CLPB: variants seen among roughly 807,000 people sequenced by gnomAD.
CLPB encodes the protein mitochondrial disaggregase.
Under a neutral mutation model 78.4 loss-of-function variants are expected in CLPB, and 40 were observed. The observed-to-expected ratio is 0.51, with a 90% CI of 0.40 to 0.66. The LOEUF (loss-of-function observed/expected upper bound fraction) is 0.66, where lower values mean the gene tolerates loss of function less well. Among genes scored for constraint, CLPB ranks in the 30% least tolerant of loss-of-function variants. The pLI, the probability that CLPB is intolerant of heterozygous loss-of-function variation, is 0.00. For synonymous variants in CLPB, 333 were observed against 348.0 expected (o/e 0.96, Z 0.48); for missense variants, 780 against 886.9 (o/e 0.88, Z 1.53).
At chr11:72,342,521 G>A (rs1161742861) in intron 5 of CLPB, among the ~76,000 whole-genome samples, 1 of 152,136 alleles carries the variant, frequency 6.6e-6, no homozygotes, top group Admixed American at 6.5e-5. Flanking sequence ...GGGCTTTCAA[G>A]AGGCCAGCCC....
intron 8 of CLPB, 39 bp from the exon 9 acceptor site, chr11:72,307,293 G>A: frequency 1.3e-6 from 2 of 1,538,458 alleles, no homozygotes; most frequent in Non-Finnish European, 1.8e-6. Flanking sequence ...GTTAGAACCA[G>A]GTGACTAACC....
At chr11:72,358,576 C>G (rs1287434579) in intron 5 of CLPB, among the ~76,000 whole-genome samples, 1 of 152,116 alleles carries the variant, frequency 6.6e-6, no homozygotes, top group Non-Finnish European at 1.5e-5. Context: ...AAAACTCTCA[C>G]AGCATACACA....
intron 9 of CLPB, among the ~76,000 whole-genome samples, chr11:72,306,367 G>T (rs1319668121): frequency 6.6e-6 from 1 of 152,190 alleles, no homozygotes; most frequent in Non-Finnish European, 1.5e-5. Context: ...CCTTGGCCAG[G>T]GAGGCTTTCC....
At chr11:72,421,064 C>T (rs1250220197) in intron 2 of CLPB, among the ~76,000 whole-genome samples, 3 of 152,190 alleles carry the variant, frequency 2.0e-5, no homozygotes, top group African/African-American at 7.2e-5. Context: ...GACATGGTGC[C>T]CTGCATTTGC....
chr11:72,358,787 C>T (rs541536926), intron 5 of CLPB, 93 bp downstream of exon 5: 4 of 864,406 alleles, frequency 4.6e-6, no homozygotes, highest in Admixed American at 2.9e-5. Context: ...ACTCTCTCCC[C>T]CTGCCAAGCC....
intron 2 of CLPB, among the ~76,000 whole-genome samples, chr11:72,418,811 T>C (rs114417511): frequency 0.028 from 3,954 of 141,382 alleles, 196 homozygotes; most frequent in African/African-American, 0.1. Flanking sequence ...GCTGAGATCG[T>C]ACCACTGCAC....
chr11:72,352,751 C>T (rs943102081), intron 5 of CLPB: 3 of 152,222 alleles, frequency 2.0e-5, no homozygotes, highest in Admixed American at 1.3e-4. Context: ...TCTGGATCAT[C>T]TTTATTTCCT....
At chr11:72,299,180 C>A (rs141577404) in intron 11 of CLPB, among the ~76,000 whole-genome samples, 320 of 152,324 alleles carry the variant, frequency 2.1e-3, no homozygotes, top group Admixed American at 4.8e-3. Flanking sequence ...CTTGGCTCCT[C>A]CTCCTCTCCT....
At chr11:72,388,486 C>T (rs1315783524) in intron 3 of CLPB, among the ~76,000 whole-genome samples, 2 of 151,992 alleles carry the variant, frequency 1.3e-5, no homozygotes, top group Non-Finnish European at 2.9e-5. Context: ...CTCCTGACCT[C>T]GTGATCCGCC....
At chr11:72,383,448 G>T (rs539148281) in intron 3 of CLPB, among the ~76,000 whole-genome samples, 2 of 150,880 alleles carry the variant, frequency 1.3e-5, no homozygotes, top group Non-Finnish European at 3.0e-5. Flanking sequence ...GGAGAATGGC[G>T]TGAACCCGGG....
chr11:72,422,034 A>C (rs1291916068), intron 2 of CLPB, among the ~76,000 whole-genome samples: 1 of 152,100 alleles, frequency 6.6e-6, no homozygotes, highest in South Asian at 2.1e-4. Flanking sequence ...TTGGGAGGCC[A>C]AGGCGGGCGG....
intron 4 of CLPB, among the ~76,000 whole-genome samples, chr11:72,368,980 G>T (rs1049225247): frequency 4.6e-5 from 7 of 152,134 alleles, no homozygotes; most frequent in African/African-American, 1.7e-4. Context: ...TAAAGACTGG[G>T]TCAACACTTA....
chr11:72,317,432 G>A (rs986753590), intron 6 of CLPB, among the ~76,000 whole-genome samples: 8 of 152,238 alleles, frequency 5.3e-5, no homozygotes, highest in Non-Finnish European at 1.0e-4. Flanking sequence ...TGCTGGTAGA[G>A]TAAGTACTAC....
At chr11:72,309,464 A>G (rs1190498944) in intron 7 of CLPB, among the ~76,000 whole-genome samples, 3 of 152,218 alleles carry the variant, frequency 2.0e-5, no homozygotes, top group East Asian at 1.9e-4. Context: ...AGAATCATGC[A>G]CTGAACATGC....
intron 3 of CLPB, among the ~76,000 whole-genome samples, chr11:72,389,173 C>G (rs1806315956): frequency 6.6e-6 from 1 of 152,194 alleles, no homozygotes; most frequent in South Asian, 2.1e-4. Context: ...ATTTCTGCCT[C>G]TTTTATTTTC....
At chr11:72,372,569 A>C (rs1369342052) in intron 4 of CLPB, among the ~76,000 whole-genome samples, 1 of 152,206 alleles carries the variant, frequency 6.6e-6, no homozygotes, top group African/African-American at 2.4e-5. Context: ...ACAACACCAC[A>C]ACTAATACCT....
At chr11:72,350,819 C>CT in intron 5 of CLPB, among the ~76,000 whole-genome samples, 1 of 152,078 alleles carries the variant, frequency 6.6e-6, no homozygotes, top group Admixed American at 6.5e-5. Context: ...TTTTTCTTTT[C>CT]TTTTTTAATA....
intron 2 of CLPB, among the ~76,000 whole-genome samples, chr11:72,418,489 G>GT (rs2135130982): frequency 6.6e-6 from 1 of 152,306 alleles, no homozygotes; most frequent in African/African-American, 2.4e-5. Context: ...ACTAACCAAT[G>GT]GTCACAGCCA....
chr11:72,352,500 G>A (rs546353495), intron 5 of CLPB: 5 of 152,340 alleles, frequency 3.3e-5, no homozygotes, highest in East Asian at 3.9e-4. Context: ...CTTTGAACAC[G>A]TTGCTCCCTC....
Sources: allele counts gnomAD v4.1 joint callset (sites outside exome capture counted in the v4.1 genomes callset), GRCh38; gene constraint gnomAD v4.1.1; transcripts MANE v1.5; gene names NCBI Gene and HGNC (gene_info 2026-07-23, HGNC 2026-07-21).